The following ZCCHC14 variants were observed in gnomAD, a reference collection of about 807,000 sequenced individuals.
ZCCHC14 encodes zinc finger CCHC-type containing 14.
ZCCHC14 carries 16 observed loss-of-function variants against 85.0 expected under a neutral mutation model. The observed-to-expected ratio is 0.19, with a 90% CI of 0.13 to 0.29. The LOEUF (loss-of-function observed/expected upper bound fraction) is 0.29. ZCCHC14 is among the 10% of genes least tolerant of loss of function. ZCCHC14 has a pLI of 1.00. For missense variants in ZCCHC14, 1,303 were observed against 1,443.5 expected (o/e 0.90, Z 1.58); for synonymous variants, 775 against 630.7 (o/e 1.23, Z -3.43).
At position 87,412,752 on chromosome 16, in the gene ZCCHC14, T is replaced by C; in HGVS notation, c.1969A>G (p.Ser657Gly). Residue 657 changes from serine (S) to glycine (G), a missense_variant, in exon 12 of 13, where the codon AGC becomes GGC. By Grantham distance (56) the Ser-to-Gly change is moderately conservative (BLOSUM62 0). This residue lies in a region of ZCCHC14 where 797 missense variants were observed against 730.8 expected (regional missense o/e 1.09). Coordinates refer to ENST00000671377, the MANE Select transcript of ZCCHC14 (RefSeq NM_015144.3). ...GACGAGAGGAGCTTCATGTCCGCGC[T>C]CCCTCTTTCCGGCTTGTGCACGGAA... ...LNSVHKPERG[S>G]ADMKLLSSSV... The C allele has an allele frequency of 6.2e-7, 1 of 1,614,154 alleles. No homozygotes were observed. Among genetic ancestry groups the C allele is most frequent in the Non-Finnish European group, 8.5e-7 (1 of 1,180,018 alleles).
chr16:87,477,714 T>C (rs1912083601), intron 1 of ZCCHC14, among the ~76,000 whole-genome samples: 1 of 152,180 alleles, frequency 6.6e-6, no homozygotes, highest in South Asian at 2.1e-4. Context: ...ATGAAATACA[T>C]GCGACACCCT....
intron 1 of ZCCHC14, among the ~76,000 whole-genome samples, chr16:87,474,605 G>A (rs1181728320): frequency 2.0e-5 from 3 of 152,146 alleles, no homozygotes; most frequent in Non-Finnish European, 4.4e-5. Context: ...CCTGTGCCCA[G>A]AGCGAGCTGA....
chr16:87,417,125 G>A lies in ZCCHC14; in HGVS notation c.1383+335C>T, dbSNP rs183313816. On this transcript the variant is annotated intron_variant, in intron 8 of 12. Coordinates refer to ENST00000671377, the MANE Select transcript of ZCCHC14 (RefSeq NM_015144.3). ...CCGCAGTGTCTGCGCCAGCTACGCC[G>A]AGAAATGTCTAAAAGGGGCACCGTG... Among the ~76,000 whole-genome samples the A allele has an allele frequency of 6.6e-4, 101 of 152,322 alleles. No individual in the cohort carries two copies. The East Asian group carries it at 0.018, about 27-fold the overall frequency.
Position 87,411,732 on chromosome 16 carries a change from G to A in ZCCHC14, c.2989C>T (p.Pro997Ser), listed in dbSNP as rs536254405. 6 of 1,613,838 alleles carry A rather than the reference G, an allele frequency of 3.7e-6. No homozygotes were observed. In the East Asian group the frequency reaches 1.1e-4, roughly 30 times the overall value. Residue 997 changes from proline to serine, a missense_variant, in exon 12 of 13, where the codon CCA becomes TCA. Coordinates refer to ENST00000671377, the MANE Select transcript of ZCCHC14 (RefSeq NM_015144.3). ...GACTGCCCACTCAGGACAGGGTCTG[G>A]GGTCCCGCTGCTGCTGTAAGGGGCG... ...VHAPYSSSGT[P>S]DPVLSGQSTF...
chr16:87,421,875 G>A (rs1007098397), intron 4 of ZCCHC14, among the ~76,000 whole-genome samples: 4 of 151,916 alleles, frequency 2.6e-5, no homozygotes, highest in Non-Finnish European at 5.9e-5. Flanking sequence ...GCTCTCCTCC[G>A]GCTCCACGGT....
intron 1 of ZCCHC14, among the ~76,000 whole-genome samples, chr16:87,476,619 C>T (rs1479675339): frequency 2.6e-5 from 4 of 151,654 alleles, no homozygotes; most frequent in Non-Finnish European, 4.4e-5. Context: ...ACAAAGGAAG[C>T]CAACAGATAA....
intron 2 of ZCCHC14, among the ~76,000 whole-genome samples, chr16:87,447,784 T>C (rs539072216): frequency 2.6e-5 from 4 of 152,364 alleles, no homozygotes; most frequent in Admixed American, 6.5e-5. Flanking sequence ...CCAAATTGTT[T>C]TCTTAATGGT....
intron 2 of ZCCHC14, among the ~76,000 whole-genome samples, chr16:87,458,186 G>A (rs927127004): frequency 2.0e-5 from 3 of 152,214 alleles, no homozygotes; most frequent in African/African-American, 7.2e-5. Context: ...TTCACAGGGT[G>A]TGCAGGGCAC....
chr16:87,483,351 C>G (rs1237572157), intron 1 of ZCCHC14, among the ~76,000 whole-genome samples: 1 of 138,768 alleles, frequency 7.2e-6, no homozygotes, highest in South Asian at 2.4e-4. Flanking sequence ...ATTAGCCAGG[C>G]TTGGTGGCAC....
At chr16:87,428,530 T>C (rs1389654442) in intron 3 of ZCCHC14, among the ~76,000 whole-genome samples, 3 of 152,216 alleles carry the variant, frequency 2.0e-5, no homozygotes, top group Admixed American at 2.0e-4. Context: ...AAAGGAAAAT[T>C]TGAATCTTCA....
chr16:87,483,914 G>A (rs1250536853), intron 1 of ZCCHC14, among the ~76,000 whole-genome samples: 1 of 152,200 alleles, frequency 6.6e-6, no homozygotes, highest in Non-Finnish European at 1.5e-5. Flanking sequence ...ACAGTGCACT[G>A]GTTTGTAATA....
At position 87,412,986 on chromosome 16, in the gene ZCCHC14, G is replaced by A; in HGVS notation, c.1745-10C>T. ...AAGTGAATCTCCACACCTAGAGAGG[G>A]AAACAAGAGTGGTCAGTGCCATTCC... On this transcript the variant is annotated splice_polypyrimidine_tract_variant and intron_variant, in intron 11 of 12. Transcript: ENST00000671377. 2 of 1,613,342 alleles carry A rather than the reference G, an allele frequency of 1.2e-6. No individual in the cohort carries two copies. The highest frequency in any genetic ancestry group is 1.7e-6 in the Non-Finnish European group (2 of 1,179,654).
At chr16:87,477,948 C>T (rs1912098073) in intron 1 of ZCCHC14, among the ~76,000 whole-genome samples, 2 of 151,958 alleles carry the variant, frequency 1.3e-5, no homozygotes, top group Admixed American at 6.6e-5. Context: ...AACACACACG[C>T]CTCCACACAT....
chr16:87,470,933 A>G (rs567467285), intron 1 of ZCCHC14: 1 of 152,230 alleles, frequency 6.6e-6, no homozygotes, highest in Non-Finnish European at 1.5e-5. Context: ...AGAATTTAAA[A>G]AAGTTACAGA....
chr16:87,462,323 A>G (rs1911302413), intron 1 of ZCCHC14, among the ~76,000 whole-genome samples: 1 of 152,208 alleles, frequency 6.6e-6, no homozygotes, highest in Non-Finnish European at 1.5e-5. Context: ...CTCCTTTCCC[A>G]CTAAACAAGA....
chr16:87,438,247 C>G (rs1284605063), intron 2 of ZCCHC14, among the ~76,000 whole-genome samples: 1 of 152,282 alleles, frequency 6.6e-6, no homozygotes, highest in African/African-American at 2.4e-5. Flanking sequence ...GGACGGCGTG[C>G]ACGGGGGCTG....
At chr16:87,450,546 A>C (rs1397470209) in intron 2 of ZCCHC14, among the ~76,000 whole-genome samples, 4 of 152,100 alleles carry the variant, frequency 2.6e-5, no homozygotes, top group Non-Finnish European at 5.9e-5. Context: ...TAATTGGGAA[A>C]ACATAAAGCT....
rs989406039 is a variant in ZCCHC14 at position 87,434,621 on chromosome 16, G to A, written c.695-1420C>T. 2.0e-5 allele frequency among the ~76,000 whole-genome samples: 3 copies of A among 152,316 alleles called. No homozygotes were observed. The East Asian group carries it at 5.8e-4, about 29-fold the overall frequency. ...AGACCGCCTGGTCTCCTGCACCACCGTTCTCCAGAGCCCTCTCCACGGGCG... is the reference window on the plus strand; with the variant it reads ...AGACCGCCTGGTCTCCTGCACCACCATTCTCCAGAGCCCTCTCCACGGGCG... On this transcript the variant is annotated intron_variant, in intron 2 of 12. Transcript: ENST00000671377.
At chr16:87,462,585 A>C (rs907913917) in intron 1 of ZCCHC14, among the ~76,000 whole-genome samples, 3 of 151,636 alleles carry the variant, frequency 2.0e-5, no homozygotes, top group African/African-American at 7.3e-5. Flanking sequence ...CTAAAAATAC[A>C]AAAAATTAGC....
Sources: gnomAD v4.1 joint callset for allele counts (sites outside exome capture counted in the v4.1 genomes callset) on GRCh38, gnomAD v4.1.1 for gene constraint, gnomAD v4.1.1 regional missense constraint, MANE v1.5 for transcripts, NCBI Gene and HGNC (gene_info 2026-07-23, HGNC 2026-07-21) for gene names.